MLF1: variants seen among roughly 807,000 people sequenced by gnomAD.
The protein encoded by MLF1 is myeloid leukemia factor 1.
A neutral mutation model predicts 38.3 loss-of-function variants in MLF1; 37 were observed. The ratio of observed to expected loss-of-function variants is 0.96; its 90% CI spans 0.74 to 1.27. MLF1 has a LOEUF of 1.27. Ranked by LOEUF, MLF1 falls within the 50% of genes most tolerant of loss-of-function variation. The pLI, the probability that MLF1 is intolerant of heterozygous loss-of-function variation, is 0.00. For missense variants in MLF1, 331 were observed against 349.2 expected, an observed-to-expected ratio of 0.95 and a Z score of 0.42; for synonymous variants, 95 against 106.5, an observed-to-expected ratio of 0.89 and a Z score of 0.66.
intron 1 of MLF1, among the ~76,000 whole-genome samples, chr3:158,590,345 C>T (rs1332156908): frequency 6.6e-6 from 1 of 152,152 alleles, no homozygotes; most frequent in African/African-American, 2.4e-5. Flanking sequence ...ACCAAGAATG[C>T]AGTGCAACTG....
intron 3 of MLF1, among the ~76,000 whole-genome samples, chr3:158,595,409 A>G (rs1279108639): frequency 6.6e-6 from 1 of 152,150 alleles, no homozygotes; most frequent in Non-Finnish European, 1.5e-5. Context: ...ACCCCAGAGC[A>G]AGTGCAGATA....
intron 1 of MLF1, among the ~76,000 whole-genome samples, chr3:158,574,522 A>ACAAAAAC (rs747579065): frequency 1.4e-5 from 2 of 146,014 alleles, no homozygotes; most frequent in African/African-American, 5.2e-5. Flanking sequence ...AAAAAAAAAA[A>ACAAAAAC]AAAAATACAA....
intron 1 of MLF1, among the ~76,000 whole-genome samples, chr3:158,584,785 C>G (rs1268279079): frequency 1.3e-5 from 2 of 151,226 alleles, no homozygotes; most frequent in African/African-American, 4.9e-5. Flanking sequence ...TACCACATTG[C>G]AAGAAGAACT....
intron 3 of MLF1, among the ~76,000 whole-genome samples, chr3:158,595,226 T>C (rs1307021766): frequency 6.6e-6 from 1 of 152,080 alleles, no homozygotes; most frequent in Non-Finnish European, 1.5e-5. Context: ...GTGGCCTTTC[T>C]CAGGTGGTGA....
At chr3:158,573,180 T>C (rs1440001939) in intron 1 of MLF1, 1 of 151,458 alleles carries the variant, frequency 6.6e-6, no homozygotes, top group African/African-American at 2.4e-5. Flanking sequence ...GCATTTTCCA[T>C]GTGAGTGGGG....
rs761571078 is a variant in MLF1 at position 158,592,600 on chromosome 3, G to A, written c.195+19G>A. 1 of 1,566,846 alleles carries A rather than the reference G, an allele frequency of 6.4e-7. No homozygotes were observed. The highest frequency in any genetic ancestry group is 8.6e-7 in the Non-Finnish European group (1 of 1,160,098). On this transcript the variant is annotated intron_variant, in intron 2 of 7. Coordinates refer to ENST00000466246, the MANE Select transcript of MLF1 (RefSeq NM_001369783.1). ...TTTGACTGTAAGTTCTTTTTTTTAAGACAGTTAGTGAGAAGGCCCTGTAGG... is the reference window on the plus strand; with the variant it reads ...TTTGACTGTAAGTTCTTTTTTTTAAAACAGTTAGTGAGAAGGCCCTGTAGG...
At chr3:158,600,231 TTGA>T (rs1719544781) in intron 6 of MLF1, 58 bp downstream of exon 6, 2 of 1,070,118 alleles carry the variant, frequency 1.9e-6, no homozygotes, top group Non-Finnish European at 2.5e-6. Flanking sequence ...ACAGCCGTAC[TTGA>T]TGAATTTTTT....
chr3:158,571,397 G>T (rs1714253018), intron 1 of MLF1, 50 bp downstream of exon 1: 1 of 1,611,352 alleles, frequency 6.2e-7, no homozygotes, highest in Non-Finnish European at 8.5e-7. Flanking sequence ...TTAAGGTATC[G>T]AGGGGAGCTA....
chr3:158,596,503 C>T (rs569837752), intron 3 of MLF1, among the ~76,000 whole-genome samples: 50 of 152,024 alleles, frequency 3.3e-4, no homozygotes, highest in Non-Finnish European at 5.9e-4. Context: ...TGAAAACTAT[C>T]GTATGCTAGA....
Position 158,598,141 on chromosome 3 carries a change from C to A in MLF1, c.386C>A (p.Ser129Tyr), listed in dbSNP as rs933637274. The change falls in exon 5 of 8, where the codon TCC becomes TAC. Residue 129 changes from serine (S) to tyrosine (Y), a missense_variant. Transcript: ENST00000466246. ...TGTTCTTCCTCAGTTATGACTTATT[C>A]CAAAATAGGAGATGAACCGCCAAAG... is the stretch of plus-strand genomic sequence containing the variant. The part of the protein sequence containing the change: ...SFCSSSVMTY[S>Y]KIGDEPPKVF... The A allele has an allele frequency of 6.2e-7, 1 of 1,613,816 alleles. No homozygotes were observed. Among genetic ancestry groups the A allele is most frequent in the Admixed American group, 1.7e-5 (1 of 59,988 alleles).
chr3:158,577,821 A>G (rs961039165), intron 1 of MLF1, among the ~76,000 whole-genome samples: 1 of 152,190 alleles, frequency 6.6e-6, no homozygotes, highest in Non-Finnish European at 1.5e-5. Flanking sequence ...CTGCCAATTA[A>G]TATTGTAAAT....
chr3:158,582,790 CA>C, intron 1 of MLF1: 1 of 632,392 alleles, frequency 1.6e-6, no homozygotes, highest in Non-Finnish European at 2.8e-6. Flanking sequence ...CTCAGACAAA[CA>C]AAAATTTGGT....
At chr3:158,603,786 C>G (rs953772360) in intron 7 of MLF1, among the ~76,000 whole-genome samples, 8 of 152,056 alleles carry the variant, frequency 5.3e-5, no homozygotes, top group African/African-American at 1.9e-4. Flanking sequence ...TTGTGGTGAG[C>G]CAAAATCACA....
chr3:158,602,006 C>T (rs1297067993), intron 6 of MLF1, among the ~76,000 whole-genome samples: 5 of 151,652 alleles, frequency 3.3e-5, no homozygotes, highest in Non-Finnish European at 5.9e-5. Flanking sequence ...TTAGTAGAGA[C>T]GTGGTTTCAC....
intron 1 of MLF1, among the ~76,000 whole-genome samples, chr3:158,580,836 C>T (rs1253206803): frequency 1.3e-5 from 2 of 151,352 alleles, no homozygotes; most frequent in African/African-American, 4.9e-5. Flanking sequence ...CGCCTATAGT[C>T]CCAGCTAAGG....
intron 1 of MLF1, among the ~76,000 whole-genome samples, chr3:158,584,280 ACAGACT>A (rs368662561): frequency 8.9e-4 from 136 of 152,326 alleles, no homozygotes; most frequent in African/African-American, 3.2e-3. Flanking sequence ...TATGCATAAG[ACAGACT>A]CAGAGCAGTT....
At position 158,604,834 on chromosome 3, in the gene MLF1, T is replaced by C. The variant is rs576297666; in HGVS notation, c.747-263T>C. 1.1e-4 allele frequency among the ~76,000 whole-genome samples: 17 copies of C among 152,108 alleles called. No individual in the cohort carries two copies. In the South Asian group the frequency reaches 3.3e-3, roughly 30 times the overall value. On this transcript the variant is annotated intron_variant, in intron 7 of 7. Transcript: ENST00000466246. ...TCACCACGCCCAGCTAATCTTTGTA[T>C]TTTTAGTAGAGATGGGGTTTCATCA...
chr3:158,599,242 T>C (rs1276262039), intron 5 of MLF1, among the ~76,000 whole-genome samples: 1 of 152,188 alleles, frequency 6.6e-6, no homozygotes, highest in African/African-American at 2.4e-5. Context: ...GTGGTATTGC[T>C]GAGTTGTAGG....
intron 3 of MLF1, among the ~76,000 whole-genome samples, chr3:158,596,181 C>G (rs1367134197): frequency 1.3e-5 from 2 of 152,082 alleles, no homozygotes; most frequent in East Asian, 3.9e-4. Context: ...TTGCCAGTGT[C>G]CACTGAGAGT....
Sources: allele counts gnomAD v4.1 joint callset (sites outside exome capture counted in the v4.1 genomes callset), GRCh38; gene constraint gnomAD v4.1.1; transcripts MANE v1.5; gene names NCBI Gene and HGNC (gene_info 2026-07-23, HGNC 2026-07-21).